The following AP4E1 variants were observed in gnomAD, a reference collection of about 807,000 sequenced individuals.
The protein encoded by AP4E1 is AP-4 complex subunit epsilon-1.
A neutral mutation model predicts 128.2 loss-of-function variants in AP4E1; 56 were observed. The ratio of observed to expected loss-of-function variants is 0.44; its 90% CI spans 0.35 to 0.55. The LOEUF is 0.55. Among genes scored for constraint, AP4E1 ranks in the 20% least tolerant of loss-of-function variants. The probability of loss-of-function intolerance (pLI) is 0.00; values close to 1 mark genes in which losing one functional copy is unlikely to be tolerated. For synonymous variants in AP4E1, 484 were observed against 473.1 expected (o/e 1.02, Z -0.30); for missense variants, 1,324 against 1,307.7 (o/e 1.01, Z -0.19).
In AP4E1 at chr15:50,934,670, G is replaced by T; in HGVS notation, c.916G>T (p.Ala306Ser). Residue 306 changes from alanine to serine, a missense_variant, in exon 8 of 21, where the codon GCT becomes TCT. Physicochemically the swap from Ala to Ser is moderately conservative, Grantham distance 99. Coordinates refer to ENST00000261842, the MANE Select transcript of AP4E1 (RefSeq NM_007347.5). ...TGTTCTTGATGAATCCTTACGAAGA[G>T]CTGAGTTAAATCACAATGTCACATA... ...YDVLDESLRR[A>S]ELNHNVTYAI... The T allele has an allele frequency of 6.2e-7, 1 of 1,608,374 alleles. No homozygotes were observed. The highest frequency in any genetic ancestry group is 8.5e-7 in the Non-Finnish European group (1 of 1,175,330).
intron 16 of AP4E1, among the ~76,000 whole-genome samples, chr15:50,991,354 G>T (rs1477654442): frequency 1.3e-5 from 2 of 151,978 alleles, no homozygotes; most frequent in African/African-American, 2.4e-5. Flanking sequence ...GTAAATAAAG[G>T]TAATATTTTG....
intron 3 of AP4E1, 46 bp downstream of exon 3, chr15:50,915,617 A>T: frequency 6.3e-7 from 1 of 1,594,936 alleles, no homozygotes; most frequent in Non-Finnish European, 8.6e-7. Context: ...TTGTCCTTGA[A>T]GTTGCATCTA....
At chr15:50,949,297 C>A (rs1288533866) in intron 11 of AP4E1, among the ~76,000 whole-genome samples, 3 of 151,430 alleles carry the variant, frequency 2.0e-5, no homozygotes, top group Non-Finnish European at 4.4e-5. Context: ...CCTGTAGTCC[C>A]AGATACTCGG....
chr15:50,931,105 A>C (rs1596466059), intron 7 of AP4E1, 134 bp downstream of exon 7: 1 of 1,123,180 alleles, frequency 8.9e-7, no homozygotes, highest in South Asian at 1.3e-5. Flanking sequence ...AAAAGAAGCC[A>C]TTGTAAGAAT....
At chr15:50,921,114 TTA>T (rs2141140332) in intron 3 of AP4E1, among the ~76,000 whole-genome samples, 1 of 54,630 alleles carries the variant, frequency 1.8e-5, no homozygotes, top group South Asian at 8.3e-4. Flanking sequence ...GAATGCCTTA[TTA>T]TTTTTTTTAT....
intron 10 of AP4E1, among the ~76,000 whole-genome samples, chr15:50,943,999 A>G (rs1316290502): frequency 1.3e-5 from 2 of 152,176 alleles, no homozygotes. Flanking sequence ...GGGGTTTATA[A>G]TATTATTGTA....
Position 50,958,666 on chromosome 15 carries a change from A to G in AP4E1, c.1723A>G (p.Ile575Val). 6.2e-7 allele frequency: 1 copy of G among 1,614,146 alleles called. No homozygotes were observed. The highest frequency in any genetic ancestry group is 8.5e-7 in the Non-Finnish European group (1 of 1,179,994). The change falls in exon 14 of 21, where the codon ATC (isoleucine) becomes GTC (valine). Residue 575 changes from isoleucine to valine, a missense_variant. Physicochemically the swap from Ile to Val is conservative, Grantham distance 29 (BLOSUM62 3). Transcript: ENST00000261842. ...CTCTTCTAATACAGTTGAGAGATTA[A>G]TCCATGAATTTACCATATCTTTGGA... ...AHSSNTVERL[I>V]HEFTISLDTC...
chr15:50,981,931 C>T lies in AP4E1; in HGVS notation c.1967-2091C>T, dbSNP rs113061660. 1.8e-3 allele frequency among the ~76,000 whole-genome samples: 276 copies of T among 151,852 alleles called. 2 individuals are homozygous for T. Among genetic ancestry groups the T allele is most frequent in the African/African-American group, 6.0e-3 (248 of 41,448 alleles). On this transcript the variant is annotated intron_variant, in intron 15 of 20. Transcript: ENST00000261842. ...AGAAACCACGTCTCTACTAAAAATA[C>T]GAAATTAGCCGGGCATGCTGGCACA...
intron 2 of AP4E1, among the ~76,000 whole-genome samples, chr15:50,913,602 C>A (rs922824055): frequency 1.2e-4 from 19 of 152,196 alleles, no homozygotes; most frequent in African/African-American, 4.1e-4. Flanking sequence ...GCACTTTCAT[C>A]TCTAAAAATA....
At chr15:50,908,335 G>A (rs575413488), upstream of AP4E1, among the ~76,000 whole-genome samples, 10 of 152,312 alleles carry the variant, frequency 6.6e-5, no homozygotes, top group Non-Finnish European at 1.5e-4. Flanking sequence ...GACAGTGAGA[G>A]GCGGCGGACG....
At chr15:50,967,818 T>G (rs2064414253) in intron 14 of AP4E1, among the ~76,000 whole-genome samples, 1 of 152,202 alleles carries the variant, frequency 6.6e-6, no homozygotes, top group Non-Finnish European at 1.5e-5. Flanking sequence ...GCATTTTCAT[T>G]CATTCATTTT....
At chr15:50,928,637 T>C (rs1439321372) in intron 5 of AP4E1, among the ~76,000 whole-genome samples, 1 of 151,926 alleles carries the variant, frequency 6.6e-6, no homozygotes, top group Non-Finnish European at 1.5e-5. Context: ...TTAAACTTAC[T>C]GTTGACTTTT....
At chr15:50,942,743 T>C (rs1007768313) in intron 10 of AP4E1, among the ~76,000 whole-genome samples, 1 of 150,382 alleles carries the variant, frequency 6.6e-6, no homozygotes, top group African/African-American at 2.4e-5. Flanking sequence ...TTTGTAAATT[T>C]GCTTCAATGT....
At chr15:50,976,113 A>G (rs1383276721) in intron 15 of AP4E1, among the ~76,000 whole-genome samples, 2 of 152,168 alleles carry the variant, frequency 1.3e-5, no homozygotes, top group Non-Finnish European at 2.9e-5. Flanking sequence ...AAAGAAAACT[A>G]CAGGCCAATA....
intron 13 of AP4E1, among the ~76,000 whole-genome samples, chr15:50,952,862 T>G (rs1038010928): frequency 4.6e-5 from 7 of 152,200 alleles, no homozygotes; most frequent in African/African-American, 9.7e-5. Context: ...TATTTCCTAC[T>G]GCATCATATC....
At chr15:50,968,698 G>T (rs1325054447) in intron 15 of AP4E1, among the ~76,000 whole-genome samples, 1 of 152,168 alleles carries the variant, frequency 6.6e-6, no homozygotes, top group Non-Finnish European at 1.5e-5. Context: ...CACGATCTGG[G>T]CTTACTGCAA....
chr15:50,984,984 T>G (rs1468102346), intron 16 of AP4E1, among the ~76,000 whole-genome samples: 5 of 152,208 alleles, frequency 3.3e-5, no homozygotes, highest in African/African-American at 1.2e-4. Flanking sequence ...TTCCTGACTT[T>G]TTAATGATCA....
At chr15:50,979,736 G>T (rs1014954773) in intron 15 of AP4E1, among the ~76,000 whole-genome samples, 4 of 152,084 alleles carry the variant, frequency 2.6e-5, no homozygotes, top group African/African-American at 9.7e-5. Context: ...CAGTGGCCAG[G>T]CTGGTCTTGA....
intron 3 of AP4E1, among the ~76,000 whole-genome samples, chr15:50,919,577 A>G (rs1479372448): frequency 2.7e-5 from 4 of 147,164 alleles, no homozygotes; most frequent in African/African-American, 7.6e-5. Flanking sequence ...TAAATAAATA[A>G]GTAAATAAAT....
Sources: gnomAD v4.1 joint callset for allele counts (sites outside exome capture counted in the v4.1 genomes callset) on GRCh38, gnomAD v4.1.1 for gene constraint, MANE v1.5 for transcripts, NCBI Gene and HGNC (gene_info 2026-07-23, HGNC 2026-07-21) for gene names.